Variants in TMEM50B observed in about 807,000 individuals in gnomAD.
The protein encoded by TMEM50B is transmembrane protein 50B, also known as HCV p7-trans-regulated protein 3.
In TMEM50B, 14 loss-of-function variants were observed where a neutral mutation model predicts 23.4. The observed-to-expected ratio is 0.60, with a 90% CI of 0.39 to 0.93. The LOEUF (loss-of-function observed/expected upper bound fraction) is 0.93. TMEM50B is among the 40% of genes least tolerant of loss of function. The pLI is 0.00. For synonymous variants in TMEM50B, 64 were observed against 62.3 expected, an observed-to-expected ratio of 1.03 and a Z score of -0.13; for missense variants, 159 against 193.0, an observed-to-expected ratio of 0.82 and a Z score of 1.04.
intron 1 of TMEM50B, among the ~76,000 whole-genome samples, chr21:33,470,707 C>T (rs13047446): frequency 6.6e-6 from 1 of 151,812 alleles, no homozygotes; most frequent in African/African-American, 2.4e-5. Flanking sequence ...GCCTGGGCAA[C>T]AGAGAAAGAC....
intron 4 of TMEM50B, among the ~76,000 whole-genome samples, chr21:33,462,617 C>T (rs568568963): frequency 1.3e-5 from 2 of 151,884 alleles, no homozygotes; most frequent in East Asian, 1.9e-4. Context: ...GGCTTTTCTG[C>T]GTCATGATCA....
At chr21:33,475,956 G>A (rs1427434657) in intron 1 of TMEM50B, among the ~76,000 whole-genome samples, 1 of 151,604 alleles carries the variant, frequency 6.6e-6, no homozygotes, top group Admixed American at 6.6e-5. Flanking sequence ...CTAATCTGAA[G>A]GACCTCTCTT....
intron 1 of TMEM50B, chr21:33,478,974 A>G (rs991001485): frequency 2.4e-4 from 87 of 358,852 alleles, no homozygotes; most frequent in African/African-American, 1.8e-3. Flanking sequence ...TGCGGATGCC[A>G]CTTCCCTCCC....
At chr21:33,435,573 G>A (rs902463327) in intron 8 of TMEM50B, among the ~76,000 whole-genome samples, 1 of 152,158 alleles carries the variant, frequency 6.6e-6, no homozygotes, top group Admixed American at 6.6e-5. Context: ...GAGATGAGGG[G>A]TAAGGAGTAT....
chr21:33,478,334 G>A (rs1286305651), intron 1 of TMEM50B, among the ~76,000 whole-genome samples: 3 of 151,928 alleles, frequency 2.0e-5, no homozygotes, highest in Non-Finnish European at 4.4e-5. Context: ...AGGCATGGTG[G>A]CAGGCGCCTG....
chr21:33,433,746 T>C (rs1880839599), intron 8 of TMEM50B, among the ~76,000 whole-genome samples: 1 of 152,066 alleles, frequency 6.6e-6, no homozygotes, highest in East Asian at 1.9e-4. Context: ...TAAAAAGAGT[T>C]ATGATGGTAC....
At chr21:33,448,350 A>G (rs190767957), downstream of TMEM50B, among the ~76,000 whole-genome samples, 201 of 152,266 alleles carry the variant, frequency 1.3e-3, 1 homozygote, top group Middle Eastern at 3.4e-3. Flanking sequence ...GCTCACAACT[A>G]AAAAACAAAT....
chr21:33,437,492 G>A (rs1038274959), intron 8 of TMEM50B: 1 of 154,792 alleles, frequency 6.5e-6, no homozygotes, highest in Admixed American at 6.4e-5. Flanking sequence ...GGAAATAAAA[G>A]ATTGTATAGT....
chr21:33,472,794 C>T (rs148626023), intron 1 of TMEM50B, among the ~76,000 whole-genome samples: 47 of 151,868 alleles, frequency 3.1e-4, no homozygotes, highest in African/African-American at 1.1e-3. Context: ...ATCACTTGAA[C>T]CTGGGAGGCG....
At chr21:33,459,554 G>A (rs2084199290) in intron 5 of TMEM50B, among the ~76,000 whole-genome samples, 1 of 151,728 alleles carries the variant, frequency 6.6e-6, no homozygotes, top group Non-Finnish European at 1.5e-5. Flanking sequence ...TGTAATCCCA[G>A]CTACTTGGGA....
chr21:33,450,991 T>A, intron 6 of TMEM50B, 128 bp from the exon 7 acceptor site: 1 of 718,886 alleles, frequency 1.4e-6, no homozygotes, highest in Non-Finnish European at 2.3e-6. Context: ...AAATTAGACA[T>A]CATGGCAGTG....
rs2084103882 is a variant in TMEM50B, at chr21:33,450,088, T to A, written c.*730A>T. ...TTTTCTTTACCAAAAAAACCTCATT[T>A]TTAGGCCAAAATAAGTTACAACTTG... On this transcript the variant is annotated 3_prime_UTR_variant, in exon 7 of 7. Transcript: ENST00000542230. The A allele has an allele frequency of 6.6e-6, 1 of 152,240 alleles. No individual in the cohort carries two copies. Among genetic ancestry groups the A allele is most frequent in the African/African-American group, 2.4e-5 (1 of 41,462 alleles). The allele number at this position is 152,240 out of a possible 1,614,324, so 9.4% of individuals were successfully genotyped here. A position where few individuals can be genotyped will look rare whatever the true frequency, so the allele number is the denominator to read the frequency against.
intron 4 of TMEM50B, among the ~76,000 whole-genome samples, chr21:33,463,297 A>G (rs1302383073): frequency 6.6e-6 from 1 of 152,234 alleles, no homozygotes; most frequent in Non-Finnish European, 1.5e-5. Context: ...GTCTCAAACA[A>G]AATAAATACA....
Position 33,475,836 on chromosome 21 carries a change from C to A in TMEM50B, c.-42+4002G>T, listed in dbSNP as rs573994118. On this transcript the variant is annotated intron_variant, in intron 1 of 6. Coordinates refer to ENST00000542230, the MANE Select transcript of TMEM50B (RefSeq NM_006134.7). ...GGGCGTGGTGGCACGCACCTGTAGT[C>A]CCAGCTACTCGGGAGGCTGAGGCAG... Among the ~76,000 whole-genome samples, 229 of 152,174 alleles carry A rather than the reference C, an allele frequency of 1.5e-3. 1 individual carries two copies. Among genetic ancestry groups the A allele is most frequent in the Non-Finnish European group, 2.5e-3 (173 of 67,988 alleles).
At chr21:33,435,755 C>T (rs1309882191) in intron 8 of TMEM50B, among the ~76,000 whole-genome samples, 3 of 151,846 alleles carry the variant, frequency 2.0e-5, no homozygotes, top group African/African-American at 4.8e-5. Context: ...TGGTGGCATG[C>T]GCCTGTAGTC....
chr21:33,464,479 C>T (rs942447306), intron 4 of TMEM50B, among the ~76,000 whole-genome samples: 9 of 146,564 alleles, frequency 6.1e-5, no homozygotes, highest in East Asian at 2.2e-4. Context: ...GGATTACAGG[C>T]GTGAGCCACT....
chr21:33,466,782 A>G (rs1032282397), intron 3 of TMEM50B, among the ~76,000 whole-genome samples: 2 of 30,102 alleles, frequency 6.6e-5, no homozygotes, highest in African/African-American at 1.2e-3. Flanking sequence ...AATATGAGGA[A>G]AAAAAAAAAT....
chr21:33,459,774 C>T (rs866688735), intron 5 of TMEM50B, among the ~76,000 whole-genome samples: 2 of 151,904 alleles, frequency 1.3e-5, no homozygotes, highest in African/African-American at 4.8e-5. Flanking sequence ...GGGTCTATAC[C>T]CCTTATCTGA....
chr21:33,444,959 C>T (rs1161733283), downstream of TMEM50B, among the ~76,000 whole-genome samples: 1 of 151,538 alleles, frequency 6.6e-6, no homozygotes, highest in Non-Finnish European at 1.5e-5. Context: ...GGTGAAACCC[C>T]ATCTCTACAA....
Sources: allele counts gnomAD v4.1 joint callset (sites outside exome capture counted in the v4.1 genomes callset), GRCh38; gene constraint gnomAD v4.1.1; transcripts MANE v1.5; gene names NCBI Gene and HGNC (gene_info 2026-07-23, HGNC 2026-07-21).